The following ZNF407 variants were observed in gnomAD, a reference collection of about 807,000 sequenced individuals.
ZNF407 encodes zinc finger protein 407.
Under a neutral mutation model 131.2 loss-of-function variants are expected in ZNF407, and 17 were observed. The ratio of observed to expected loss-of-function variants is 0.13; its 90% CI spans 0.09 to 0.19. The LOEUF (loss-of-function observed/expected upper bound fraction) is 0.19, where lower values mean the gene tolerates loss of function less well. Among genes scored for constraint, ZNF407 ranks in the 10% least tolerant of loss-of-function variants. ZNF407 has a pLI of 1.00. For missense variants in ZNF407, 2,681 were observed against 2,830.6 expected, an observed-to-expected ratio of 0.95 and a Z score of 1.20; for synonymous variants, 1,156 against 1,062.0, an observed-to-expected ratio of 1.09 and a Z score of -1.72.
At chr18:74,733,797 G>C (rs1968347400) in intron 3 of ZNF407, among the ~76,000 whole-genome samples, 1 of 152,230 alleles carries the variant, frequency 6.6e-6, no homozygotes, top group South Asian at 2.1e-4. Flanking sequence ...TTGGTCACAA[G>C]TTGTCTTAAG....
intron 4 of ZNF407, among the ~76,000 whole-genome samples, chr18:74,868,936 T>C (rs1971050274): frequency 6.6e-6 from 1 of 152,234 alleles, no homozygotes; most frequent in Non-Finnish European, 1.5e-5. Flanking sequence ...TATAGGTTTC[T>C]ACATAGCATG....
intron 4 of ZNF407, among the ~76,000 whole-genome samples, chr18:74,847,435 A>T (rs1599193848): frequency 1.3e-5 from 2 of 152,322 alleles, no homozygotes; most frequent in South Asian, 4.1e-4. Flanking sequence ...TTGAATTATT[A>T]ATTTCAGTTC....
intron 8 of ZNF407, among the ~76,000 whole-genome samples, chr18:74,922,902 A>G (rs1011027514): frequency 4.6e-5 from 7 of 152,124 alleles, no homozygotes; most frequent in African/African-American, 1.7e-4. Context: ...TGAAAACTGC[A>G]TTTTTACTCT....
intron 8 of ZNF407, among the ~76,000 whole-genome samples, chr18:74,936,075 T>A (rs1240609008): frequency 6.6e-6 from 1 of 152,206 alleles, no homozygotes; most frequent in East Asian, 1.9e-4. Flanking sequence ...TTTCTTTTAC[T>A]TTTCACTCCA....
intron 3 of ZNF407, among the ~76,000 whole-genome samples, chr18:74,708,841 G>C (rs1270864700): frequency 6.6e-6 from 1 of 152,212 alleles, no homozygotes; most frequent in Non-Finnish European, 1.5e-5. Flanking sequence ...TTGCCATAAA[G>C]GGTGCCCAGA....
At chr18:74,800,444 C>A (rs1970000321) in intron 4 of ZNF407, among the ~76,000 whole-genome samples, 1 of 152,026 alleles carries the variant, frequency 6.6e-6, no homozygotes, top group Non-Finnish European at 1.5e-5. Context: ...CCCTCTTCCA[C>A]ATTTTTTCCA....
At position 74,664,792 on chromosome 18, in the gene ZNF407, C is replaced by T. The variant is rs367901544; in HGVS notation, c.4802+23670C>T. On this transcript the variant is annotated intron_variant, in intron 3 of 8. Coordinates refer to ENST00000299687, the MANE Select transcript of ZNF407 (RefSeq NM_017757.3). ...AGAATCCCAGTGCATCTGTTTTTGG[C>T]GCTGCGTATCTGTGTGTTGCTGCTC... 1.5e-4 allele frequency among the ~76,000 whole-genome samples: 23 copies of T among 152,074 alleles called. No individual in the cohort carries two copies. The East Asian group carries it at 2.3e-3, about 15-fold the overall frequency.
intron 4 of ZNF407, among the ~76,000 whole-genome samples, chr18:74,842,618 G>A (rs1338620916): frequency 6.6e-6 from 1 of 152,042 alleles, no homozygotes; most frequent in Non-Finnish European, 1.5e-5. Flanking sequence ...GTGTGTGTGT[G>A]TGTGTGAGAT....
rs1408719042 is a variant in ZNF407 at position 74,631,472 on chromosome 18, A to T, written c.453A>T (p.Lys151Asn). The change falls in exon 2 of 9, where the codon AAA becomes AAT. Residue 151 changes from lysine (K) to asparagine (N), a missense_variant. Around this residue, in one of 6 missense-constraint regions of ZNF407, gnomAD observed 1,789 missense variants for 1,748.7 expected, o/e 1.02. Coordinates refer to ENST00000299687, the MANE Select transcript of ZNF407 (RefSeq NM_017757.3). ...DVVSLKTDTE[K>N]TSAQEMVSLD... Reference sequence around the variant, plus strand: ...TTTCTCTGAAAACAGACACTGAAAAAACATCTGCTCAGGAAATGGTTTCCC... The same window carrying T: ...TTTCTCTGAAAACAGACACTGAAAATACATCTGCTCAGGAAATGGTTTCCC... The T allele has an allele frequency of 1.2e-6, 2 of 1,613,862 alleles. No individual in the cohort carries two copies. Among genetic ancestry groups the T allele is most frequent in the Admixed American group, 3.3e-5 (2 of 60,002 alleles).
intron 8 of ZNF407, among the ~76,000 whole-genome samples, chr18:74,922,098 C>G (rs1350195789): frequency 6.6e-6 from 1 of 152,162 alleles, no homozygotes; most frequent in Non-Finnish European, 1.5e-5. Context: ...TCTGCTCATT[C>G]CCTTTTGGTG....
intron 8 of ZNF407, among the ~76,000 whole-genome samples, chr18:75,050,093 GATT>G (rs1973482336): frequency 6.6e-6 from 1 of 152,032 alleles, no homozygotes; most frequent in African/African-American, 2.4e-5. Context: ...AGTCATACAA[GATT>G]ATTTTGTATA....
chr18:74,680,652 A>G (rs1966962540), intron 3 of ZNF407, among the ~76,000 whole-genome samples: 2 of 152,136 alleles, frequency 1.3e-5, no homozygotes, highest in African/African-American at 2.4e-5. Context: ...ATGAAGGCTT[A>G]ACGTCAAATT....
intron 8 of ZNF407, among the ~76,000 whole-genome samples, chr18:74,944,935 AT>A (rs11324387): frequency 0.046 from 7,071 of 152,078 alleles, 560 homozygotes; most frequent in African/African-American, 0.16. Flanking sequence ...AGGAGTGTGC[AT>A]TTTTTTGTTG....
chr18:74,654,947 G>T (rs776328937), intron 3 of ZNF407, among the ~76,000 whole-genome samples: 1 of 151,692 alleles, frequency 6.6e-6, no homozygotes, highest in Non-Finnish European at 1.5e-5. Context: ...CTTATTTCAC[G>T]TGCTTAGTCA....
chr18:74,868,158 T>C (rs1356842840), intron 4 of ZNF407, among the ~76,000 whole-genome samples: 3 of 152,242 alleles, frequency 2.0e-5, no homozygotes, highest in African/African-American at 7.2e-5. Flanking sequence ...TTCTCAGCTC[T>C]CTGAAATGAC....
intron 8 of ZNF407, among the ~76,000 whole-genome samples, chr18:75,050,936 T>C (rs1204468253): frequency 6.6e-6 from 1 of 152,220 alleles, no homozygotes; most frequent in Non-Finnish European, 1.5e-5. Context: ...ACCTGGAGGA[T>C]GTTTTAAAGA....
chr18:75,059,599 T>G (rs905466777), intron 8 of ZNF407, among the ~76,000 whole-genome samples: 3 of 152,116 alleles, frequency 2.0e-5, no homozygotes, highest in Non-Finnish European at 2.9e-5. Context: ...GGGGAGAAAT[T>G]GCAAGCATAC....
intron 4 of ZNF407, among the ~76,000 whole-genome samples, chr18:74,785,731 C>T (rs569226651): frequency 1.3e-4 from 20 of 152,228 alleles, no homozygotes; most frequent in African/African-American, 4.3e-4. Context: ...TGTGGAAAAG[C>T]GCATGCACCT....
chr18:74,750,633 T>C (rs549376660), intron 3 of ZNF407, among the ~76,000 whole-genome samples: 1 of 152,320 alleles, frequency 6.6e-6, no homozygotes, highest in East Asian at 1.9e-4. Flanking sequence ...GTCATCAGGA[T>C]GATTTTCACT....
Sources: allele counts gnomAD v4.1 joint callset (sites outside exome capture counted in the v4.1 genomes callset), GRCh38; gene constraint gnomAD v4.1.1; regional missense constraint gnomAD v4.1.1; transcripts MANE v1.5; gene names NCBI Gene and HGNC (gene_info 2026-07-23, HGNC 2026-07-21).